Variants in COLEC12 observed in about 807,000 individuals in gnomAD.
COLEC12 encodes collectin subfamily member 12.
Under a neutral mutation model 71.1 loss-of-function variants are expected in COLEC12, and 33 were observed. That is an observed-to-expected ratio of 0.46 (90% CI 0.35 to 0.62). COLEC12 has a LOEUF of 0.62. Ranked by LOEUF, COLEC12 falls within the 20% of genes least tolerant of loss-of-function variation. The probability of loss-of-function intolerance (pLI) is 0.00; values close to 1 mark genes in which losing one functional copy is unlikely to be tolerated. For missense variants in COLEC12, 765 were observed against 916.1 expected, an observed-to-expected ratio of 0.84 and a Z score of 2.13; for synonymous variants, 350 against 353.0, an observed-to-expected ratio of 0.99 and a Z score of 0.10.
At chr18:444,901 T>C (rs1015272855) in intron 2 of COLEC12, among the ~76,000 whole-genome samples, 1 of 152,178 alleles carries the variant, frequency 6.6e-6, no homozygotes, top group African/African-American at 2.4e-5. Flanking sequence ...GTGCAGTGCT[T>C]TTCCAGATCT....
intron 2 of COLEC12, among the ~76,000 whole-genome samples, chr18:393,294 C>T (rs770940037): frequency 2.0e-5 from 3 of 152,232 alleles, no homozygotes; most frequent in Non-Finnish European, 4.4e-5. Context: ...AGAGAAGTGT[C>T]CCTTGGCTCT....
At chr18:412,491 AAAG>A (rs925818152) in intron 2 of COLEC12, among the ~76,000 whole-genome samples, 43 of 67,804 alleles carry the variant, frequency 6.3e-4, no homozygotes, top group South Asian at 6.0e-3. Flanking sequence ...GAAAAAAAAA[AAAG>A]AAAGAAAGAA....
intron 2 of COLEC12, among the ~76,000 whole-genome samples, chr18:368,861 G>C (rs542522442): frequency 2.0e-5 from 3 of 152,108 alleles, no homozygotes; most frequent in Non-Finnish European, 2.9e-5. Context: ...GCGAGACTCC[G>C]TCTCAAAAAC....
At chr18:424,130 T>C (rs892342855) in intron 2 of COLEC12, 10 of 152,332 alleles carry the variant, frequency 6.6e-5, no homozygotes, top group African/African-American at 2.4e-4. Context: ...AGCCCTGTTA[T>C]AAATTACACC....
chr18:331,690 C>T lies in COLEC12; in HGVS notation c.2041G>A (p.Asp681Asn). The T allele has an allele frequency of 6.2e-7, 1 of 1,611,752 alleles. No individual in the cohort carries two copies. Among genetic ancestry groups the T allele is most frequent in the Non-Finnish European group, 8.5e-7 (1 of 1,177,788 alleles). Residue 681 changes from aspartate to asparagine, a missense_variant, in exon 8 of 10, where the codon GAT becomes AAT. Asp to Asn is a conservative substitution (Grantham distance 23). Coordinates refer to ENST00000400256, the MANE Select transcript of COLEC12 (RefSeq NM_130386.3). ...TACTTGTAGTCTGGAGATGTCCCAT[C>T]CAGCCACTTCCATTCATTTTCACGC... The part of the protein sequence containing the change: ...SERENEWKWL[D>N]GTSPDYKNWK...
chr18:322,502 G>T (rs931536085), intron 8 of COLEC12, among the ~76,000 whole-genome samples: 2 of 152,164 alleles, frequency 1.3e-5, no homozygotes, highest in African/African-American at 4.8e-5. Context: ...TTCACATGGG[G>T]CTTCTTAACT....
rs543440729 is a variant in COLEC12 at position 492,982 on chromosome 18, C to T, written c.7+7526G>A. ...ACTTTGGAGGCTGAGGCGGGCAGAT[C>T]ACTTGAGGCTAGGAGTTTGAGACGA... On this transcript the variant is annotated intron_variant, in intron 1 of 9. Coordinates refer to ENST00000400256, the MANE Select transcript of COLEC12 (RefSeq NM_130386.3). Among the ~76,000 whole-genome samples the T allele has an allele frequency of 5.9e-5, 9 of 152,244 alleles. No individual in the cohort carries two copies. The South Asian group carries it at 1.7e-3, about 28-fold the overall frequency.
At position 500,443 on chromosome 18, in the gene COLEC12, G is replaced by GCCC; in HGVS notation, c.7+64_7+65insGGG. On this transcript the variant is annotated intron_variant, in intron 1 of 9. Coordinates refer to ENST00000400256, the MANE Select transcript of COLEC12 (RefSeq NM_130386.3). This position sits in a 1 kb window ranked among gnomAD's most constrained non-coding sequence, Gnocchi z 5.3. The stretch of plus-strand genomic sequence containing the variant: ...GGTTCGCGCGGGAGGCACCTCCGTG[G>GCCC]CCTCCCGCGCGCCCCGAAGCCCGTT... 7.3e-6 allele frequency: 7 copies of GCCC among 954,890 alleles called. No homozygotes were observed. The highest frequency in any genetic ancestry group is 1.4e-4 in the East Asian group (2 of 14,422). The allele number at this position is 954,890 out of a possible 1,614,324, so 59.2% of individuals were successfully genotyped here. A position where few individuals can be genotyped will look rare whatever the true frequency, so the allele number is the denominator to read the frequency against.
intron 2 of COLEC12, among the ~76,000 whole-genome samples, chr18:385,598 C>T (rs1158212160): frequency 6.6e-6 from 1 of 152,144 alleles, no homozygotes; most frequent in Admixed American, 6.5e-5. Flanking sequence ...GCTGGGATTA[C>T]AGGCATGAGC....
At chr18:441,186 T>G (rs895746863) in intron 2 of COLEC12, among the ~76,000 whole-genome samples, 2 of 149,242 alleles carry the variant, frequency 1.3e-5, no homozygotes, top group African/African-American at 4.9e-5. Flanking sequence ...AGGCGGAGCT[T>G]GCAGTGAGCC....
At chr18:345,971 T>G (rs1459077265) in intron 5 of COLEC12, among the ~76,000 whole-genome samples, 1 of 152,252 alleles carries the variant, frequency 6.6e-6, no homozygotes, top group East Asian at 1.9e-4. Flanking sequence ...AGCAGCCAGC[T>G]GCCACATTGT....
intron 2 of COLEC12, among the ~76,000 whole-genome samples, chr18:465,684 T>C (rs1434616195): frequency 6.6e-6 from 1 of 152,184 alleles, no homozygotes; most frequent in Non-Finnish European, 1.5e-5. Flanking sequence ...AAGAGGCCTA[T>C]TATCTTAATT....
At chr18:441,303 T>C (rs1230899618) in intron 2 of COLEC12, among the ~76,000 whole-genome samples, 1 of 152,070 alleles carries the variant, frequency 6.6e-6, no homozygotes, top group African/African-American at 2.4e-5. Context: ...GGACTGTACG[T>C]CTTCATAGAA....
intron 2 of COLEC12, among the ~76,000 whole-genome samples, chr18:437,435 A>C (rs1036385948): frequency 1.3e-5 from 2 of 152,152 alleles, no homozygotes; most frequent in African/African-American, 4.8e-5. Context: ...TCTCCACTTA[A>C]AATGGATTTT....
At chr18:334,211 A>G (rs1914050676) in intron 6 of COLEC12, 1 of 152,102 alleles carries the variant, frequency 6.6e-6, no homozygotes, top group South Asian at 2.1e-4. Context: ...CACATAATAC[A>G]TAAAACAAAT....
In COLEC12 at chr18:372,398, G is replaced by T. The variant is rs919847851; in HGVS notation, c.59-14876C>A. ...ATAATTTCCCATATCATTTTGGAGG[G>T]TATAACTGAAAGAGTGTTTTTTGTT... On this transcript the variant is annotated intron_variant, in intron 2 of 9. Coordinates refer to ENST00000400256, the MANE Select transcript of COLEC12 (RefSeq NM_130386.3). Among the ~76,000 whole-genome samples the T allele has an allele frequency of 2.0e-5, 3 of 152,074 alleles. No individual in the cohort carries two copies. In the South Asian group the frequency reaches 6.2e-4, roughly 32 times the overall value.
chr18:357,321 T>G, intron 3 of COLEC12, 79 bp downstream of exon 3: 1 of 1,366,280 alleles, frequency 7.3e-7, no homozygotes, highest in Non-Finnish European at 1.0e-6. Flanking sequence ...ACTTCGTATT[T>G]GCAAATATGA....
chr18:374,796 G>A (rs1445890213), intron 2 of COLEC12, among the ~76,000 whole-genome samples: 1 of 152,106 alleles, frequency 6.6e-6, no homozygotes. Context: ...ACTAACTCAA[G>A]ACAGCAACAC....
chr18:353,822 C>T (rs1914573275), intron 3 of COLEC12, among the ~76,000 whole-genome samples: 1 of 152,188 alleles, frequency 6.6e-6, no homozygotes, highest in Non-Finnish European at 1.5e-5. Flanking sequence ...CCTTGAACAC[C>T]ATTTTAGGTT....
Sources: gnomAD v4.1 joint callset for allele counts (sites outside exome capture counted in the v4.1 genomes callset) on GRCh38, gnomAD v4.1.1 for gene constraint, Gnocchi (gnomAD v3.1) non-coding constraint, MANE v1.5 for transcripts, NCBI Gene and HGNC (gene_info 2026-07-23, HGNC 2026-07-21) for gene names.